The following STK31 variants were observed in gnomAD, a reference collection of about 807,000 sequenced individuals.
The protein encoded by STK31 is serine/threonine kinase 31.
A neutral mutation model predicts 129.7 loss-of-function variants in STK31; 89 were observed. The observed-to-expected ratio is 0.69, with a 90% confidence interval of 0.58 to 0.82. The LOEUF is 0.82. Among genes scored for constraint, STK31 ranks in the 40% least tolerant of loss-of-function variants. The pLI is 0.00. For synonymous variants in STK31, 448 were observed against 395.3 expected (o/e 1.13, Z -1.58); for missense variants, 1,187 against 1,176.4 (o/e 1.01, Z -0.13).
intron 22 of STK31, among the ~76,000 whole-genome samples, chr7:23,793,932 ATAT>A (rs1378754781): frequency 6.6e-6 from 1 of 152,246 alleles, no homozygotes; most frequent in Non-Finnish European, 1.5e-5. Context: ...TTGTATGTAA[ATAT>A]TGAAAGAATT....
chr7:23,726,610 C>T (rs1260442444), intron 4 of STK31, among the ~76,000 whole-genome samples: 2 of 148,944 alleles, frequency 1.3e-5, no homozygotes, highest in Admixed American at 1.3e-4. Flanking sequence ...GAATGAGACC[C>T]TGTCTCAAAA....
intron 8 of STK31, among the ~76,000 whole-genome samples, chr7:23,748,880 A>G (rs1467982289): frequency 2.0e-5 from 3 of 152,186 alleles, no homozygotes; most frequent in Non-Finnish European, 4.4e-5. Flanking sequence ...AATTTTCAAG[A>G]CTGTTGGGGG....
At chr7:23,770,875 A>G in intron 13 of STK31, 130 bp from the exon 14 acceptor site, 1 of 965,436 alleles carries the variant, frequency 1.0e-6, no homozygotes, top group African/African-American at 1.7e-5. Flanking sequence ...ATTTGTGTTT[A>G]AGAACTGTTT....
At chr7:23,815,880 T>C (rs1793440470) in intron 23 of STK31, among the ~76,000 whole-genome samples, 1 of 120,724 alleles carries the variant, frequency 8.3e-6, no homozygotes, top group South Asian at 2.9e-4. Flanking sequence ...GGGAATTCAG[T>C]ATGACTAGAT....
chr7:23,759,546 C>T (rs919290487), intron 10 of STK31, among the ~76,000 whole-genome samples: 2 of 152,014 alleles, frequency 1.3e-5, no homozygotes, highest in South Asian at 2.1e-4. Flanking sequence ...TTTACAGTAT[C>T]TTCATATTAA....
chr7:23,779,459 G>A (rs550503520), intron 15 of STK31, among the ~76,000 whole-genome samples: 1 of 152,326 alleles, frequency 6.6e-6, no homozygotes, highest in East Asian at 1.9e-4. Context: ...TCCCCCAGGT[G>A]CTCTGTCCCA....
chr7:23,801,226 T>C (rs940086802), intron 22 of STK31, among the ~76,000 whole-genome samples: 2 of 152,242 alleles, frequency 1.3e-5, no homozygotes, highest in Non-Finnish European at 2.9e-5. Flanking sequence ...CGTATTGTTA[T>C]TATCTTCTAT....
At chr7:23,783,372 C>A (rs556154937) in intron 16 of STK31, among the ~76,000 whole-genome samples, 1 of 152,270 alleles carries the variant, frequency 6.6e-6, no homozygotes, top group South Asian at 2.1e-4. Flanking sequence ...AGTACGGAGT[C>A]CTTCTCAGGC....
intron 8 of STK31, among the ~76,000 whole-genome samples, chr7:23,750,066 T>TCCCCCCCCCCCC (rs1788609697): frequency 1.3e-5 from 1 of 77,600 alleles, no homozygotes; most frequent in Non-Finnish European, 2.8e-5. Context: ...AATGGTTTGT[T>TCCCCCCCCCCCC]TCCCCCCCCG....
chr7:23,796,755 A>G (rs1210399407), intron 22 of STK31, among the ~76,000 whole-genome samples: 1 of 152,214 alleles, frequency 6.6e-6, no homozygotes, highest in Non-Finnish European at 1.5e-5. Flanking sequence ...TGTCTCACAC[A>G]TAGCAATATG....
rs760634691 is a variant in STK31, at chr7:23,712,092, G to A, written c.51-7G>A. ...TTATTGTAATCTAATTTAAGGTATT[G>A]TTCTAGTTTTTCAGGAATTGTTCAA... On this transcript the variant is annotated splice_region_variant and splice_polypyrimidine_tract_variant and intron_variant, in intron 1 of 23. Transcript: ENST00000355870. 4 of 1,597,572 alleles carry A rather than the reference G, an allele frequency of 2.5e-6. No individual in the cohort carries two copies. Among genetic ancestry groups the A allele is most frequent in the African/African-American group, 1.3e-5 (1 of 74,542 alleles).
At chr7:23,730,734 A>G (rs1459481679) in intron 6 of STK31, among the ~76,000 whole-genome samples, 1 of 151,472 alleles carries the variant, frequency 6.6e-6, no homozygotes, top group Non-Finnish European at 1.5e-5. Context: ...TGAAACACAC[A>G]TGAATCAAGG....
chr7:23,725,718 T>C (rs1333960150), intron 4 of STK31, among the ~76,000 whole-genome samples: 2 of 152,228 alleles, frequency 1.3e-5, no homozygotes, highest in Admixed American at 6.5e-5. Flanking sequence ...CAACATAGTA[T>C]AGTTGAGAGT....
At chr7:23,754,597 T>TA in intron 10 of STK31, 123 bp downstream of exon 10, 1 of 1,061,232 alleles carries the variant, frequency 9.4e-7, no homozygotes, top group South Asian at 1.7e-5. Context: ...GTTACATAGG[T>TA]ATACATGCGC....
At chr7:23,799,578 G>A (rs971526558) in intron 22 of STK31, among the ~76,000 whole-genome samples, 1 of 151,900 alleles carries the variant, frequency 6.6e-6, no homozygotes, top group African/African-American at 2.4e-5. Context: ...TCCTTACACC[G>A]TATACAAAAG....
chr7:23,831,210 C>G (rs1272097040), intron 23 of STK31, among the ~76,000 whole-genome samples: 1 of 152,046 alleles, frequency 6.6e-6, no homozygotes, highest in African/African-American at 2.4e-5. Context: ...GATTATCTGT[C>G]TAGTGGTGAG....
intron 17 of STK31, 57 bp downstream of exon 17, chr7:23,783,720 A>T (rs1725602851): frequency 7.3e-7 from 1 of 1,369,382 alleles, no homozygotes; most frequent in Non-Finnish European, 1.0e-6. Flanking sequence ...AAAAGTGATA[A>T]TATTAAATTT....
At chr7:23,831,062 A>G (rs537391656) in intron 23 of STK31, among the ~76,000 whole-genome samples, 13 of 152,334 alleles carry the variant, frequency 8.5e-5, no homozygotes, top group African/African-American at 2.6e-4. Context: ...GTCGTTTCCT[A>G]TAGAATGTTC....
intron 22 of STK31, among the ~76,000 whole-genome samples, chr7:23,793,710 G>A (rs963356644): frequency 6.6e-6 from 1 of 152,114 alleles, no homozygotes; most frequent in Non-Finnish European, 1.5e-5. Flanking sequence ...TCACTATAAT[G>A]TATAAAATTA....
Sources: gnomAD v4.1 joint callset for allele counts (sites outside exome capture counted in the v4.1 genomes callset) on GRCh38, gnomAD v4.1.1 for gene constraint, MANE v1.5 for transcripts, NCBI Gene and HGNC (gene_info 2026-07-23, HGNC 2026-07-21) for gene names.